Variants in DAAM1 observed in about 807,000 individuals in gnomAD.
The protein encoded by DAAM1 is disheveled-associated activator of morphogenesis 1.
DAAM1 carries 52 observed loss-of-function variants against 130.0 expected under a neutral mutation model. The observed-to-expected ratio is 0.40, with a 90% CI of 0.32 to 0.50. The LOEUF (loss-of-function observed/expected upper bound fraction) is 0.50, where lower values mean the gene tolerates loss of function less well. Among genes scored for constraint, DAAM1 ranks in the 20% least tolerant of loss-of-function variants. DAAM1 has a pLI of 0.61. For synonymous variants in DAAM1, 452 were observed against 444.5 expected (o/e 1.02, Z -0.21); for missense variants, 1,134 against 1,303.8 (o/e 0.87, Z 2.01).
intron 3 of DAAM1, among the ~76,000 whole-genome samples, chr14:59,307,275 C>A (rs1371123348): frequency 1.3e-5 from 2 of 152,190 alleles, no homozygotes; most frequent in African/African-American, 4.8e-5. Context: ...GAGTCTGATA[C>A]AATTGACTGT....
At chr14:59,249,278 G>C (rs1220330539) in intron 1 of DAAM1, among the ~76,000 whole-genome samples, 1 of 152,204 alleles carries the variant, frequency 6.6e-6, no homozygotes, top group African/African-American at 2.4e-5. Flanking sequence ...TCATAGGCAT[G>C]TTCCATTGGC....
intron 3 of DAAM1, among the ~76,000 whole-genome samples, chr14:59,295,875 C>A (rs879640389): frequency 1.3e-5 from 2 of 152,132 alleles, no homozygotes; most frequent in African/African-American, 4.8e-5. Context: ...CTTTCTTTTA[C>A]TGTGGTTGAT....
At chr14:59,360,897 T>G in intron 22 of DAAM1, 35 bp downstream of exon 22, 1 of 1,600,290 alleles carries the variant, frequency 6.2e-7, no homozygotes, top group Non-Finnish European at 8.6e-7. Context: ...TAATTCCTGG[T>G]CTCTTCACTA....
chr14:59,341,615 T>TA (rs1312510481), intron 16 of DAAM1, among the ~76,000 whole-genome samples: 1 of 152,214 alleles, frequency 6.6e-6, no homozygotes, highest in African/African-American at 2.4e-5. Context: ...AAAAAAAACA[T>TA]AGTCTATGTA....
chr14:59,365,442 GT>G (rs1203600377), intron 23 of DAAM1, among the ~76,000 whole-genome samples: 2 of 151,230 alleles, frequency 1.3e-5, no homozygotes, highest in Non-Finnish European at 2.9e-5. Flanking sequence ...AGAATGTTAT[GT>G]TTTTGCCCAA....
rs556573856 is a variant in DAAM1 at position 59,261,250 on chromosome 14, A to C, written c.-37-2191A>C. Among the ~76,000 whole-genome samples the C allele has an allele frequency of 9.9e-5, 15 of 152,232 alleles. No individual in the cohort carries two copies. The South Asian group carries it at 3.1e-3, about 32-fold the overall frequency. On this transcript the variant is annotated intron_variant, in intron 1 of 24. Coordinates refer to ENST00000360909, the MANE Select transcript of DAAM1 (RefSeq NM_001270520.2). ...CTCATCCATCAGGGACCACCCCCAG[A>C]TCCTGCTCAGTTTACATGGCACTTA... is the stretch of plus-strand genomic sequence containing the variant.
In DAAM1 at chr14:59,352,600, C is replaced by T. The variant is rs1886329531; in HGVS notation, c.2235C>T (p.Ala745=). 2 of 1,613,178 alleles carry T rather than the reference C, an allele frequency of 1.2e-6. No individual in the cohort carries two copies. Among genetic ancestry groups the T allele is most frequent in the Non-Finnish European group, 1.7e-6 (2 of 1,179,628 alleles). Residue 745 remains alanine, a synonymous_variant, in exon 18 of 25, where the codon GCC becomes GCT. Transcript: ENST00000360909. ...EEHKHELDRM[A]KADRFLFEMS... ...ATAAACACGAACTGGATCGGATGGC[C>T]AAGGCTGATAGGTTCCTTTTTGAGA...
At chr14:59,348,891 C>A (rs1020095040) in intron 17 of DAAM1, among the ~76,000 whole-genome samples, 9 of 152,154 alleles carry the variant, frequency 5.9e-5, no homozygotes, top group African/African-American at 1.9e-4. Flanking sequence ...GGGGGAAATC[C>A]CTCACATTTG....
chr14:59,305,753 A>G (rs1884355726), intron 3 of DAAM1, among the ~76,000 whole-genome samples: 1 of 152,150 alleles, frequency 6.6e-6, no homozygotes, highest in Non-Finnish European at 1.5e-5. Flanking sequence ...TCTTCCCCAC[A>G]GGGTGACTAG....
chr14:59,248,899 T>G (rs1202345494), intron 1 of DAAM1, among the ~76,000 whole-genome samples: 2 of 152,190 alleles, frequency 1.3e-5, no homozygotes, highest in Non-Finnish European at 2.9e-5. Flanking sequence ...GCCATTCTCC[T>G]GCCTCAGCCT....
At chr14:59,339,029 A>G (rs1306320087) in intron 15 of DAAM1, among the ~76,000 whole-genome samples, 1 of 152,240 alleles carries the variant, frequency 6.6e-6, no homozygotes, top group African/African-American at 2.4e-5. Context: ...TGTAGTTTGT[A>G]GAACTGATAA....
chr14:59,314,255 G>A (rs1884699684), intron 3 of DAAM1, among the ~76,000 whole-genome samples: 1 of 152,222 alleles, frequency 6.6e-6, no homozygotes, highest in Non-Finnish European at 1.5e-5. Context: ...CAGTAGCTGT[G>A]TGTACATGGC....
Position 59,323,235 on chromosome 14 carries a change from C to G in DAAM1, c.774+10C>G. 6.3e-7 allele frequency: 1 copy of G among 1,584,362 alleles called. No individual in the cohort carries two copies. The highest frequency in any genetic ancestry group is 8.6e-7 in the Non-Finnish European group (1 of 1,163,578). Reference sequence around the variant, plus strand: ...AAGGACCCGCTTTCAGGTGGGTGTTCGCTCAGCCTTCTTCACTCACCCCTT... The same window carrying G: ...AAGGACCCGCTTTCAGGTGGGTGTTGGCTCAGCCTTCTTCACTCACCCCTT... On this transcript the variant is annotated intron_variant, in intron 6 of 24. Coordinates refer to ENST00000360909, the MANE Select transcript of DAAM1 (RefSeq NM_001270520.2).
chr14:59,241,557 G>C (rs974675957), intron 1 of DAAM1, among the ~76,000 whole-genome samples: 1 of 152,130 alleles, frequency 6.6e-6, no homozygotes, highest in Non-Finnish European at 1.5e-5. Flanking sequence ...GAAACTAGCT[G>C]TTTACATATT....
At chr14:59,228,580 C>T (rs1305506464) in intron 1 of DAAM1, among the ~76,000 whole-genome samples, 1 of 152,162 alleles carries the variant, frequency 6.6e-6, no homozygotes, top group East Asian at 1.9e-4. Context: ...TCTGTAGAAA[C>T]AGGGCTATTT....
At chr14:59,240,244 C>G (rs1889435016) in intron 1 of DAAM1, among the ~76,000 whole-genome samples, 1 of 152,182 alleles carries the variant, frequency 6.6e-6, no homozygotes, top group African/African-American at 2.4e-5. Flanking sequence ...TACTTCATCT[C>G]TCGAGATCTT....
At chr14:59,327,398 G>GTTTTTTTTTT (rs1338982717) in intron 12 of DAAM1, among the ~76,000 whole-genome samples, 26 of 72,714 alleles carry the variant, frequency 3.6e-4, no homozygotes, top group African/African-American at 6.6e-4. Flanking sequence ...AGGTCACTTG[G>GTTTTTTTTTT]TTTCTTTTTT....
chr14:59,347,482 A>G, intron 16 of DAAM1, 57 bp from the exon 17 acceptor site: 2 of 1,509,820 alleles, frequency 1.3e-6, no homozygotes, highest in Non-Finnish European at 1.8e-6. Context: ...AAAGTGAATT[A>G]TGTTAAATTT....
chr14:59,345,533 TCA>T (rs1330367487), intron 16 of DAAM1, among the ~76,000 whole-genome samples: 3 of 152,176 alleles, frequency 2.0e-5, no homozygotes, highest in African/African-American at 7.2e-5. Context: ...GAAATAACAT[TCA>T]GTTTAAATAG....
Sources: allele counts gnomAD v4.1 joint callset (sites outside exome capture counted in the v4.1 genomes callset), GRCh38; gene constraint gnomAD v4.1.1; transcripts MANE v1.5; gene names NCBI Gene and HGNC (gene_info 2026-07-23, HGNC 2026-07-21).